HSBP1: variants seen among roughly 807,000 people sequenced by gnomAD.
HSBP1 encodes heat shock factor binding protein 1, also known as heat shock factor-binding protein 1.
A neutral mutation model predicts 9.6 loss-of-function variants in HSBP1; 5 were observed. That is an observed-to-expected ratio of 0.52 (90% CI 0.27 to 1.09). The LOEUF (loss-of-function observed/expected upper bound fraction) is 1.09. Ranked by LOEUF, HSBP1 falls within the 50% of genes least tolerant of loss-of-function variation. HSBP1 has a pLI of 0.11. For missense variants in HSBP1, 121 were observed against 96.3 expected (o/e 1.26, Z -1.07); for synonymous variants, 42 against 33.3 (o/e 1.26, Z -0.90).
Position 83,809,387 on chromosome 16 carries a change from A to G in HSBP1, c.195A>G (p.Glu65=). Residue 65 remains glutamate, a synonymous_variant, in exon 3 of 4, where the codon GAA becomes GAG. Coordinates refer to ENST00000433866, the MANE Select transcript of HSBP1 (RefSeq NM_001537.4). ...LMTQAGVEEL[E]SENKIPATQK... ...CACAGGCTGGGGTGGAAGAACTGGA[A>G]AGTGAAAACAAGATACCTGCCACGC... 6.2e-7 allele frequency: 1 copy of G among 1,603,944 alleles called. No homozygotes were observed. Among genetic ancestry groups the G allele is most frequent in the Non-Finnish European group, 8.5e-7 (1 of 1,174,980 alleles).
Position 83,808,427 on chromosome 16 carries a change from C to T in HSBP1, c.46-253C>T, listed in dbSNP as rs112756516. 5.6e-3 allele frequency: 3,177 copies of T among 572,366 alleles called. 92 individuals carry two copies. The highest frequency in any genetic ancestry group is 0.055 in the African/African-American group (2,914 of 52,710). 35.5% of individuals were successfully genotyped at this position (572,366 alleles called of 1,614,324 possible). A position where few individuals can be genotyped will look rare whatever the true frequency, so the allele number is the denominator to read the frequency against. On this transcript the variant is annotated intron_variant, in intron 1 of 3. Transcript: ENST00000433866. Reference sequence around the variant, plus strand: ...CCCGCCCTTCAACTCCTCACACACCCCCGGGTGCCCCAGCCCGGCAGAAAC... The same window carrying T: ...CCCGCCCTTCAACTCCTCACACACCTCCGGGTGCCCCAGCCCGGCAGAAAC...
rs1247606593 is a variant in HSBP1 at position 83,812,578 on chromosome 16, C to G, written c.*1160C>G. ...AACATGATTTTTTTAAGTTTCTCATCTCACCAGTCTTGGTGTTTATATTGC... is the reference window on the plus strand; with the variant it reads ...AACATGATTTTTTTAAGTTTCTCATGTCACCAGTCTTGGTGTTTATATTGC... On this transcript the variant is annotated 3_prime_UTR_variant, in exon 4 of 4. Transcript: ENST00000433866. 6.6e-6 allele frequency: 1 copy of G among 152,172 alleles called. No homozygotes were observed. Among genetic ancestry groups the G allele is most frequent in the Non-Finnish European group, 1.5e-5 (1 of 68,024 alleles). 9.4% of individuals were successfully genotyped at this position (152,172 alleles called of 1,614,324 possible). A position where few individuals can be genotyped will look rare whatever the true frequency, so the allele number is the denominator to read the frequency against.
intron 3 of HSBP1, among the ~76,000 whole-genome samples, chr16:83,810,352 A>G (rs1293808738): frequency 6.6e-6 from 1 of 152,096 alleles, no homozygotes; most frequent in Admixed American, 6.5e-5. Context: ...GTGCATGGTG[A>G]TCCTTTTCCT....
chr16:83,818,565 T>A lies in HSBP1; in HGVS notation c.*7147T>A, dbSNP rs1440164038. ...ATAAACTGGTGAGAACTGTTTGAAATACCCATAAGTCAATGGAGGTCGTAA... is the reference window on the plus strand; with the variant it reads ...ATAAACTGGTGAGAACTGTTTGAAAAACCCATAAGTCAATGGAGGTCGTAA... On this transcript the variant is annotated 3_prime_UTR_variant, in exon 4 of 4. Coordinates refer to ENST00000433866, the MANE Select transcript of HSBP1 (RefSeq NM_001537.4). The A allele has an allele frequency of 6.6e-6, 1 of 152,228 alleles. No homozygotes were observed. Among genetic ancestry groups the A allele is most frequent in the African/African-American group, 2.4e-5 (1 of 41,468 alleles). 9.4% of individuals were successfully genotyped at this position (152,228 alleles called of 1,614,324 possible).
chr16:83,816,550 C>T lies in HSBP1; in HGVS notation c.*5132C>T, dbSNP rs368472004. ...TGTTTCTTTGAAGGTGTTTCCACCC[C>T]ACTCCTGTGCCTAAAATGATCCTGG... On this transcript the variant is annotated 3_prime_UTR_variant, in exon 4 of 4. Coordinates refer to ENST00000433866, the MANE Select transcript of HSBP1 (RefSeq NM_001537.4). 55 of 152,298 alleles carry T rather than the reference C, an allele frequency of 3.6e-4. No homozygotes were observed. The highest frequency in any genetic ancestry group is 3.1e-3 in the Admixed American group (48 of 15,302). The allele number at this position is 152,298 out of a possible 1,614,324, so 9.4% of individuals were successfully genotyped here.
rs1185804564 is a variant in HSBP1 at position 83,816,417 on chromosome 16, AAAAT to A, written c.*5007_*5010del. On this transcript the variant is annotated 3_prime_UTR_variant, in exon 4 of 4. Coordinates refer to ENST00000433866, the MANE Select transcript of HSBP1 (RefSeq NM_001537.4). ...TCCATCTCAAAAAATAAAAAACAAA[AAAAT>A]AAATAAAAAATAAAAAGACCCAACC... The A allele has an allele frequency of 3.3e-5, 5 of 152,170 alleles. No homozygotes were observed. The highest frequency in any genetic ancestry group is 1.2e-4 in the African/African-American group (5 of 41,412). The allele number at this position is 152,170 out of a possible 1,614,324, so 9.4% of individuals were successfully genotyped here.
At chr16:83,810,328 A>C (rs1904571504) in intron 3 of HSBP1, among the ~76,000 whole-genome samples, 1 of 152,132 alleles carries the variant, frequency 6.6e-6, no homozygotes, top group African/African-American at 2.4e-5. Context: ...AAATGTACAG[A>C]ATCACTCAGC....
In HSBP1 at chr16:83,816,517, G is replaced by A. The variant is rs962087837; in HGVS notation, c.*5099G>A. The A allele has an allele frequency of 6.6e-6, 1 of 152,210 alleles. No individual in the cohort carries two copies. The highest frequency in any genetic ancestry group is 2.4e-5 in the African/African-American group (1 of 41,452). The allele number at this position is 152,210 out of a possible 1,614,324, so 9.4% of individuals were successfully genotyped here. A position where few individuals can be genotyped will look rare whatever the true frequency, so the allele number is the denominator to read the frequency against. On this transcript the variant is annotated 3_prime_UTR_variant, in exon 4 of 4. Transcript: ENST00000433866. ...TTCTTCCCTTTTGTCTCCTAAGAGT[G>A]AAGAAAATGTTTCTTTGAAGGTGTT... is the stretch of plus-strand genomic sequence containing the variant.
At chr16:83,809,171 A>T (rs567979198) in intron 2 of HSBP1, 134 bp from the exon 3 acceptor site, 8 of 630,582 alleles carry the variant, frequency 1.3e-5, no homozygotes, top group Admixed American at 5.5e-5. Context: ...CTTACCCACC[A>T]GCGTGTAACA....
chr16:83,811,478 G>A lies in HSBP1; in HGVS notation c.*60G>A, dbSNP rs1459472511. ...TTTCCAAGCCAAGAGAAGATCGAATGGCTTTTTGCAGCTAACTACTATGTG... is the reference window on the plus strand; with the variant it reads ...TTTCCAAGCCAAGAGAAGATCGAATAGCTTTTTGCAGCTAACTACTATGTG... On this transcript the variant is annotated 3_prime_UTR_variant, in exon 4 of 4. Transcript: ENST00000433866. 2 of 152,168 alleles carry A rather than the reference G, an allele frequency of 1.3e-5. No homozygotes were observed. Among genetic ancestry groups the A allele is most frequent in the Non-Finnish European group, 2.9e-5 (2 of 68,036 alleles). 9.4% of individuals were successfully genotyped at this position (152,168 alleles called of 1,614,324 possible).
chr16:83,812,014 T>C lies in HSBP1; in HGVS notation c.*596T>C, dbSNP rs1464668406. On this transcript the variant is annotated 3_prime_UTR_variant, in exon 4 of 4. Transcript: ENST00000433866. Reference sequence around the variant, plus strand: ...GTATGTCTGAGTCCCTGAGATCACATGCTAAAGTCGATGAAAAGTAACCAC... The same window carrying C: ...GTATGTCTGAGTCCCTGAGATCACACGCTAAAGTCGATGAAAAGTAACCAC... 1.3e-5 allele frequency: 2 copies of C among 152,692 alleles called. No individual in the cohort carries two copies. The highest frequency in any genetic ancestry group is 3.8e-4 in the East Asian group (2 of 5,208). The allele number at this position is 152,692 out of a possible 1,614,324, so 9.5% of individuals were successfully genotyped here.
In HSBP1 at chr16:83,808,026, G is replaced by T. The variant is rs2151029958; in HGVS notation, c.-51G>T. On this transcript the variant is annotated 5_prime_UTR_variant, in exon 1 of 4. Coordinates refer to ENST00000433866, the MANE Select transcript of HSBP1 (RefSeq NM_001537.4). The stretch of plus-strand genomic sequence containing the variant: ...CCCGGGGCGACTGAGCGGACAAACG[G>T]AAGTGTAGGTTACGGTCTGAGACAT... The T allele has an allele frequency of 6.8e-7, 1 of 1,475,466 alleles. No homozygotes were observed. Among genetic ancestry groups the T allele is most frequent in the Non-Finnish European group, 9.1e-7 (1 of 1,104,052 alleles). 91.4% of individuals were successfully genotyped at this position (1,475,466 alleles called of 1,614,324 possible).
chr16:83,815,120 A>T lies in HSBP1; in HGVS notation c.*3702A>T, dbSNP rs1343675699. The T allele has an allele frequency of 1.3e-5, 2 of 152,152 alleles. No homozygotes were observed. The highest frequency in any genetic ancestry group is 2.4e-5 in the African/African-American group (1 of 41,430). The allele number at this position is 152,152 out of a possible 1,614,324, so 9.4% of individuals were successfully genotyped here. A position where few individuals can be genotyped will look rare whatever the true frequency, so the allele number is the denominator to read the frequency against. ...GCATTAATTTTAAGTGTCTGATTTT[A>T]GCTGCAGCCACTTGAGAACTTTTCA... On this transcript the variant is annotated 3_prime_UTR_variant, in exon 4 of 4. Coordinates refer to ENST00000433866, the MANE Select transcript of HSBP1 (RefSeq NM_001537.4).
chr16:83,808,149 C>T, intron 1 of HSBP1, 28 bp downstream of exon 1: 1 of 1,537,826 alleles, frequency 6.5e-7, no homozygotes, highest in Non-Finnish European at 8.8e-7. Flanking sequence ...GGGCCGGAGG[C>T]CGCGGCCTTC....
intron 3 of HSBP1, among the ~76,000 whole-genome samples, chr16:83,811,120 T>C (rs2151030860): frequency 6.6e-6 from 1 of 152,314 alleles, no homozygotes; most frequent in East Asian, 1.9e-4. Flanking sequence ...GTGGGTCTCT[T>C]TTTATATTAT....
intron 2 of HSBP1, 34 bp downstream of exon 2, chr16:83,808,780 G>T (rs749117599): frequency 6.6e-7 from 1 of 1,509,078 alleles, no homozygotes; most frequent in African/African-American, 1.4e-5. Context: ...CCTCCTGTGG[G>T]CCTTTGGAGC....
In HSBP1 at chr16:83,811,655, G is replaced by T. The variant is rs1345970220; in HGVS notation, c.*237G>T. The T allele has an allele frequency of 2.0e-5, 3 of 152,230 alleles. No homozygotes were observed. Among genetic ancestry groups the T allele is most frequent in the African/African-American group, 7.2e-5 (3 of 41,534 alleles). The allele number at this position is 152,230 out of a possible 1,614,324, so 9.4% of individuals were successfully genotyped here. A position where few individuals can be genotyped will look rare whatever the true frequency, so the allele number is the denominator to read the frequency against. On this transcript the variant is annotated 3_prime_UTR_variant, in exon 4 of 4. Coordinates refer to ENST00000433866, the MANE Select transcript of HSBP1 (RefSeq NM_001537.4). ...TTCATTATTAAACACTAAAACTTTG[G>T]CGGTTCTTGCATAACATTGTCAGAT...
At position 83,811,843 on chromosome 16, in the gene HSBP1, T is replaced by C. The variant is rs532206836; in HGVS notation, c.*425T>C. 1.3e-5 allele frequency: 2 copies of C among 152,382 alleles called. No homozygotes were observed. The highest frequency in any genetic ancestry group is 1.3e-4 in the Admixed American group (2 of 15,310). 9.4% of individuals were successfully genotyped at this position (152,382 alleles called of 1,614,324 possible). On this transcript the variant is annotated 3_prime_UTR_variant, in exon 4 of 4. Transcript: ENST00000433866. ...AAGATGTTTGTAGACTTTAGAGTTC[T>C]TTAATTCTTGGCACAACGTGACTGT...
chr16:83,809,110 G>A, intron 2 of HSBP1, 195 bp from the exon 3 acceptor site: 2 of 565,568 alleles, frequency 3.5e-6, no homozygotes, highest in Non-Finnish European at 6.3e-6. Flanking sequence ...CACTAGTAAG[G>A]GTCAGGGCTG....
Sources: allele counts gnomAD v4.1 joint callset (sites outside exome capture counted in the v4.1 genomes callset), GRCh38; gene constraint gnomAD v4.1.1; transcripts MANE v1.5; gene names NCBI Gene and HGNC (gene_info 2026-07-23, HGNC 2026-07-21).